Variants in SRRM3 observed in about 807,000 individuals in gnomAD.
SRRM3 encodes serine/arginine repetitive matrix 3.
Under a neutral mutation model 66.2 loss-of-function variants are expected in SRRM3, and 27 were observed. That is an observed-to-expected ratio of 0.41 (90% CI 0.30 to 0.56). The LOEUF is 0.56. SRRM3 is among the 20% of genes least tolerant of loss of function. SRRM3 has a pLI of 0.32. For missense variants in SRRM3, 918 were observed against 991.9 expected (o/e 0.93, Z 1.00); for synonymous variants, 391 against 414.9 (o/e 0.94, Z 0.70).
At position 76,260,196 on chromosome 7, in the gene SRRM3, C is replaced by G. The variant is rs915739393; in HGVS notation, c.544C>G (p.Arg182Gly). 12 of 1,536,504 alleles carry G rather than the reference C, an allele frequency of 7.8e-6. No homozygotes were observed. Among genetic ancestry groups the G allele is most frequent in the Middle Eastern group, 1.9e-4 (1 of 5,222 alleles). ...KKKKGGHRRS[R>G]KKRRLESECS... Reference sequence around the variant, plus strand: ...AAAGAAAGGCGGCCACCGGAGAAGCCGGTGAGAACCGCGCCTGACCGGAGC... The same window carrying G: ...AAAGAAAGGCGGCCACCGGAGAAGCGGGTGAGAACCGCGCCTGACCGGAGC... Residue 182 changes from arginine to glycine, a missense_variant and splice_region_variant, in exon 5 of 15, where the codon CGC (arginine) becomes GGC (glycine). Transcript: ENST00000611745.
intron 3 of SRRM3, among the ~76,000 whole-genome samples, chr7:76,248,797 C>G (rs182054899): frequency 1.3e-5 from 2 of 151,646 alleles, no homozygotes; most frequent in African/African-American, 4.8e-5. Flanking sequence ...TTGGCCAACA[C>G]GTCGAAACCC....
At chr7:76,249,628 G>A (rs533790325) in intron 3 of SRRM3, among the ~76,000 whole-genome samples, 37 of 152,350 alleles carry the variant, frequency 2.4e-4, no homozygotes, top group Admixed American at 6.5e-4. Flanking sequence ...GCCATTGCTG[G>A]CCGAGCTCCA....
At chr7:76,206,749 G>A (rs940282193) in intron 1 of SRRM3, among the ~76,000 whole-genome samples, 2 of 152,158 alleles carry the variant, frequency 1.3e-5, no homozygotes, top group Admixed American at 6.5e-5. Flanking sequence ...CTCCTTCAGA[G>A]CCTAAAGCCT....
chr7:76,202,681 C>A (rs1426203501), intron 1 of SRRM3, among the ~76,000 whole-genome samples: 1 of 152,074 alleles, frequency 6.6e-6, no homozygotes, highest in Non-Finnish European at 1.5e-5. Context: ...GTGCACACCC[C>A]CCACCCCAAC....
At chr7:76,284,440 AGTG>A (rs1802607842) in intron 14 of SRRM3, among the ~76,000 whole-genome samples, 1 of 152,160 alleles carries the variant, frequency 6.6e-6, no homozygotes. Flanking sequence ...GGCCTCCCAA[AGTG>A]GTGGGATTAT....
intron 3 of SRRM3, among the ~76,000 whole-genome samples, chr7:76,254,297 A>G (rs1313338018): frequency 6.6e-6 from 1 of 151,592 alleles, no homozygotes; most frequent in African/African-American, 2.4e-5. Context: ...CTGGGATGAT[A>G]GGCATGGGCC....
chr7:76,282,332 T>C (rs1802541135), intron 12 of SRRM3, among the ~76,000 whole-genome samples: 1 of 104,620 alleles, frequency 9.6e-6, no homozygotes, highest in South Asian at 3.9e-4. Context: ...AACTGATCCG[T>C]CTCCCCTTAC....
In SRRM3 at chr7:76,267,621, G is replaced by T. The variant is rs372874791; in HGVS notation, c.1008+186G>T. On this transcript the variant is annotated intron_variant, in intron 11 of 14. Transcript: ENST00000611745. ...CGGGAGCCGCCGGGAGTGCTAGGCC[G>T]TTGCGCCCACCTGGCCCTGGTGTCA... 8.2e-6 allele frequency: 4 copies of T among 486,310 alleles called. 1 individual carries two copies. The South Asian group carries it at 2.9e-4, about 35-fold the overall frequency. 30.1% of individuals were successfully genotyped at this position (486,310 alleles called of 1,614,324 possible). A position where few individuals can be genotyped will look rare whatever the true frequency, so the allele number is the denominator to read the frequency against.
intron 3 of SRRM3, among the ~76,000 whole-genome samples, chr7:76,258,044 A>G (rs1801756584): frequency 6.6e-6 from 1 of 152,208 alleles, no homozygotes; most frequent in Non-Finnish European, 1.5e-5. Flanking sequence ...CATCTGTGGC[A>G]GAGGCTGGCT....
At chr7:76,250,973 C>G (rs1307657706) in intron 3 of SRRM3, among the ~76,000 whole-genome samples, 2 of 152,194 alleles carry the variant, frequency 1.3e-5, no homozygotes, top group African/African-American at 4.8e-5. Flanking sequence ...AGGGTGGACC[C>G]TTTGCCTGGA....
At chr7:76,210,152 C>T (rs577404823) in intron 1 of SRRM3, among the ~76,000 whole-genome samples, 116 of 152,300 alleles carry the variant, frequency 7.6e-4, no homozygotes, top group African/African-American at 2.7e-3. Flanking sequence ...GGGAGCTGGG[C>T]AACCTGCCCC....
At chr7:76,225,270 C>G (rs1364615352) in intron 1 of SRRM3, among the ~76,000 whole-genome samples, 15 of 152,130 alleles carry the variant, frequency 9.9e-5, no homozygotes, top group Admixed American at 7.9e-4. Context: ...TAGAAGACAG[C>G]AGAAAGATCT....
chr7:76,223,096 G>A (rs1800766409), intron 1 of SRRM3, among the ~76,000 whole-genome samples: 1 of 152,158 alleles, frequency 6.6e-6, no homozygotes, highest in African/African-American at 2.4e-5. Context: ...GCTGTTAGAT[G>A]TCTCTGCCAT....
At chr7:76,237,830 C>G (rs1285230647) in intron 2 of SRRM3, among the ~76,000 whole-genome samples, 2 of 151,882 alleles carry the variant, frequency 1.3e-5, no homozygotes, top group Non-Finnish European at 2.9e-5. Context: ...AAGCCCTCCC[C>G]CTCAAAGACC....
intron 6 of SRRM3, 80 bp downstream of exon 6, chr7:76,260,983 G>A: frequency 6.8e-7 from 1 of 1,476,248 alleles, no homozygotes; most frequent in Admixed American, 2.1e-5. Flanking sequence ...TCCCCCAGAG[G>A]CCGGAGGCCT....
intron 11 of SRRM3, among the ~76,000 whole-genome samples, 199 bp from the exon 12 acceptor site, chr7:76,281,242 C>G (rs1554611838): frequency 6.6e-6 from 1 of 151,070 alleles, no homozygotes; most frequent in African/African-American, 2.4e-5. Context: ...CTCTGTCTCT[C>G]GCTCTTTTTC....
At chr7:76,216,089 G>A (rs900659428) in intron 1 of SRRM3, among the ~76,000 whole-genome samples, 6 of 151,934 alleles carry the variant, frequency 3.9e-5, no homozygotes, top group Admixed American at 1.3e-4. Flanking sequence ...TTACAGGCGT[G>A]AGCCACCGCG....
chr7:76,259,916 A>G lies in SRRM3; in HGVS notation c.346A>G (p.Thr116Ala). 1.2e-6 allele frequency: 2 copies of G among 1,600,980 alleles called. No homozygotes were observed. Among genetic ancestry groups the G allele is most frequent in the Non-Finnish European group, 1.7e-6 (2 of 1,179,426 alleles). The change falls in exon 4 of 15, where the codon ACC becomes GCC. Residue 116 changes from threonine to alanine, a missense_variant. Physicochemically the swap from Thr to Ala is moderately conservative, Grantham distance 58. Coordinates refer to ENST00000611745, the MANE Select transcript of SRRM3 (RefSeq NM_001110199.3). ...DRPGGHIVAETPRLTEGAEPG... is the reference protein window; with the variant it reads ...DRPGGHIVAEAPRLTEGAEPG... ...CCCTGTCGCCGGCAGTGTGGCGGAG[A>G]CCCCGCGGCTGACCGAGGGCGCTGA...
At chr7:76,239,520 CT>C in intron 2 of SRRM3, among the ~76,000 whole-genome samples, 1 of 152,130 alleles carries the variant, frequency 6.6e-6, no homozygotes, top group South Asian at 2.1e-4. Flanking sequence ...AGTGAGCCCC[CT>C]GCCAATCCAC....
Sources: allele counts gnomAD v4.1 joint callset (sites outside exome capture counted in the v4.1 genomes callset), GRCh38; gene constraint gnomAD v4.1.1; transcripts MANE v1.5; gene names NCBI Gene and HGNC (gene_info 2026-07-23, HGNC 2026-07-21).